The following WDR17 variants were observed in gnomAD, a reference collection of about 807,000 sequenced individuals.
WDR17 encodes the protein WD repeat-containing protein 17.
Under a neutral mutation model 161.7 loss-of-function variants are expected in WDR17, and 143 were observed. The ratio of observed to expected loss-of-function variants is 0.88; its 90% CI spans 0.77 to 1.02. The LOEUF (loss-of-function observed/expected upper bound fraction) is 1.02. Among genes scored for constraint, WDR17 ranks in the 50% least tolerant of loss-of-function variants. The probability of loss-of-function intolerance (pLI) is 0.00; values close to 1 mark genes in which losing one functional copy is unlikely to be tolerated. For missense variants in WDR17, 1,469 were observed against 1,520.9 expected, an observed-to-expected ratio of 0.97 and a Z score of 0.57; for synonymous variants, 517 against 515.6, an observed-to-expected ratio of 1.00 and a Z score of -0.04.
At chr4:176,133,542 G>C (rs559148531) in intron 7 of WDR17, among the ~76,000 whole-genome samples, 40 of 151,322 alleles carry the variant, frequency 2.6e-4, no homozygotes, top group African/African-American at 9.2e-4. Context: ...ACTAAAAGCC[G>C]CTTGATTATA....
chr4:176,100,450 G>T (rs187479749), intron 1 of WDR17, among the ~76,000 whole-genome samples: 1 of 152,054 alleles, frequency 6.6e-6, no homozygotes, highest in East Asian at 1.9e-4. Flanking sequence ...TGTTGTCATT[G>T]AGTTGTTTGG....
chr4:176,159,298 TAC>T (rs1190019312), intron 18 of WDR17, among the ~76,000 whole-genome samples: 1 of 120,504 alleles, frequency 8.3e-6, no homozygotes, highest in Non-Finnish European at 1.8e-5. Context: ...CACACACACA[TAC>T]ACACACACAG....
At position 176,148,333 on chromosome 4, in the gene WDR17, A is replaced by G. The variant is rs1407778115; in HGVS notation, c.1895A>G (p.Tyr632Cys). The change falls in exon 13 of 29, where the codon TAT (tyrosine) becomes TGT (cysteine). Residue 632 changes from tyrosine to cysteine, a missense_variant and splice_region_variant. By Grantham distance (194) the Tyr-to-Cys change is radical (BLOSUM62 -2). Transcript: ENST00000508596. ...GTGTATGATCACGGTGCAGATGTAT[A>G]TGGTAGAGTGTCTTTCATTCTTTCA... is the stretch of plus-strand genomic sequence containing the variant. ...DTVYDHGADVYGLTCHPSRPF... is the reference protein window; with the variant it reads ...DTVYDHGADVCGLTCHPSRPF... 6.2e-7 allele frequency: 1 copy of G among 1,611,020 alleles called. No homozygotes were observed. Among genetic ancestry groups the G allele is most frequent in the East Asian group, 2.2e-5 (1 of 44,716 alleles).
intron 12 of WDR17, among the ~76,000 whole-genome samples, chr4:176,146,877 A>AT (rs11295206): frequency 6.7e-6 from 1 of 150,188 alleles, no homozygotes; most frequent in Non-Finnish European, 1.5e-5. Context: ...GAAAAAAAAA[A>AT]TTTTTTTTTT....
At chr4:176,167,934 G>A (rs536973571) in intron 22 of WDR17, among the ~76,000 whole-genome samples, 1 of 152,000 alleles carries the variant, frequency 6.6e-6, no homozygotes, top group Admixed American at 6.5e-5. Flanking sequence ...ATCACTTGAA[G>A]CCAGGAGTTT....
At chr4:176,138,726 A>T (rs1423520952) in intron 9 of WDR17, among the ~76,000 whole-genome samples, 2 of 151,826 alleles carry the variant, frequency 1.3e-5, no homozygotes, top group African/African-American at 2.4e-5. Flanking sequence ...TTGGAATCTC[A>T]CATATCTGCC....
At chr4:176,159,816 A>G (rs757574452) in intron 18 of WDR17, among the ~76,000 whole-genome samples, 178 bp from the exon 19 acceptor site, 10 of 152,330 alleles carry the variant, frequency 6.6e-5, no homozygotes, top group Admixed American at 2.0e-4. Context: ...ATTATTTCAT[A>G]CAACTTTTAT....
chr4:176,134,920 A>G (rs1350761245), intron 7 of WDR17, among the ~76,000 whole-genome samples, 188 bp from the exon 8 acceptor site: 1 of 151,710 alleles, frequency 6.6e-6, no homozygotes, highest in Non-Finnish European at 1.5e-5. Flanking sequence ...ACAAAATAAT[A>G]CAGTAATGGC....
intron 2 of WDR17, among the ~76,000 whole-genome samples, chr4:176,113,322 C>G (rs529642284): frequency 1.1e-4 from 17 of 152,136 alleles, no homozygotes; most frequent in African/African-American, 3.9e-4. Flanking sequence ...TAAAGAAACT[C>G]AGTGGATGAA....
At chr4:176,120,457 C>T (rs987012233) in intron 4 of WDR17, among the ~76,000 whole-genome samples, 1 of 151,848 alleles carries the variant, frequency 6.6e-6, no homozygotes, top group Non-Finnish European at 1.5e-5. Flanking sequence ...GGACATACAG[C>T]TAGAGGATGT....
intron 8 of WDR17, among the ~76,000 whole-genome samples, chr4:176,137,316 T>G (rs1446017563): frequency 1.3e-5 from 2 of 151,656 alleles, no homozygotes; most frequent in Non-Finnish European, 3.0e-5. Flanking sequence ...ATTGGCCCTA[T>G]TTTGATAATT....
At position 176,174,790 on chromosome 4, in the gene WDR17, G is replaced by A; in HGVS notation, c.3449+72G>A. 5.5e-6 allele frequency: 5 copies of A among 903,952 alleles called. No individual in the cohort carries two copies. In the East Asian group the frequency reaches 1.0e-4, roughly 18 times the overall value. The allele number at this position is 903,952 out of a possible 1,614,324, so 56.0% of individuals were successfully genotyped here. A position where few individuals can be genotyped will look rare whatever the true frequency, so the allele number is the denominator to read the frequency against. On this transcript the variant is annotated intron_variant, in intron 26 of 28. Coordinates refer to ENST00000508596, the MANE Select transcript of WDR17 (RefSeq NM_181265.4). ...TGCTAAGATGGATAGTCTCTAAGTG[G>A]ATTATACAAAGTATCAAATATATTA...
intron 1 of WDR17, among the ~76,000 whole-genome samples, chr4:176,072,721 C>T (rs6818456): frequency 0.52 from 79,309 of 151,734 alleles, 22,103 homozygotes; most frequent in South Asian, 0.63. Context: ...GCTCCGAGCA[C>T]ATAGTATATT....
intron 1 of WDR17, among the ~76,000 whole-genome samples, chr4:176,109,868 A>G (rs1739411531): frequency 1.3e-5 from 2 of 152,208 alleles, no homozygotes; most frequent in South Asian, 2.1e-4. Context: ...TGACATTAAC[A>G]TTATGCAAAG....
rs1454908539 is a variant in WDR17 at position 176,128,871 on chromosome 4, A to G, written c.913+11A>G. The G allele has an allele frequency of 1.3e-6, 2 of 1,552,280 alleles. No homozygotes were observed. Among genetic ancestry groups the G allele is most frequent in the African/African-American group, 1.4e-5 (1 of 71,484 alleles). ...CTCCAAGAAAAAAGTGTAAGTAAAA[A>G]TGTTATCAAAATTTTAATTTTTAAA... is the stretch of plus-strand genomic sequence containing the variant. On this transcript the variant is annotated intron_variant, in intron 6 of 28. Transcript: ENST00000508596.
rs772030180 is a variant in WDR17, at chr4:176,151,791, CTATTT to C, written c.2305-19_2305-15del. 1.9e-6 allele frequency: 3 copies of C among 1,538,630 alleles called. No individual in the cohort carries two copies. The highest frequency in any genetic ancestry group is 2.6e-6 in the Non-Finnish European group (3 of 1,148,014). ...AAAATATGTCAAATTTTTTTAAATT[CTATTT>C]TCTTTTTAAAACCAGTCTGAAGCTC... On this transcript the variant is annotated splice_polypyrimidine_tract_variant and intron_variant, in intron 16 of 28. Transcript: ENST00000508596.
At chr4:176,091,477 TG>T (rs766843948) in intron 1 of WDR17, among the ~76,000 whole-genome samples, 1 of 152,074 alleles carries the variant, frequency 6.6e-6, no homozygotes, top group Non-Finnish European at 1.5e-5. Flanking sequence ...CCAAAACCTG[TG>T]GGATATATCA....
At chr4:176,145,850 G>A in intron 11 of WDR17, 145 bp from the exon 12 acceptor site, 4 of 632,772 alleles carry the variant, frequency 6.3e-6, no homozygotes, top group Non-Finnish European at 1.0e-5. Flanking sequence ...GATTATACAC[G>A]ATTTTTTACA....
At chr4:176,076,249 A>G (rs1733989419) in intron 1 of WDR17, among the ~76,000 whole-genome samples, 1 of 82,770 alleles carries the variant, frequency 1.2e-5, no homozygotes, top group African/African-American at 3.5e-5. Context: ...ATATATATAT[A>G]TATATACACA....
Sources: allele counts gnomAD v4.1 joint callset (sites outside exome capture counted in the v4.1 genomes callset), GRCh38; gene constraint gnomAD v4.1.1; transcripts MANE v1.5; gene names NCBI Gene and HGNC (gene_info 2026-07-23, HGNC 2026-07-21).